Variants in NAV2 observed in about 807,000 individuals in gnomAD.
NAV2 encodes the protein helicase, APC down-regulated 1.
In NAV2, 54 loss-of-function variants were observed where a neutral mutation model predicts 223.2. The ratio of observed to expected loss-of-function variants is 0.24; its 90% CI spans 0.19 to 0.30. The LOEUF is 0.30. Ranked by LOEUF, NAV2 falls within the 10% of genes least tolerant of loss-of-function variation. NAV2 has a pLI of 1.00. For synonymous variants in NAV2, 1,279 were observed against 1,239.3 expected (o/e 1.03, Z -0.67); for missense variants, 2,806 against 3,147.5 (o/e 0.89, Z 2.60).
At position 19,360,084 on chromosome 11, in the gene NAV2, C is replaced by T. The variant is rs143393058; in HGVS notation, c.75+9057C>T. The stretch of plus-strand genomic sequence containing the variant: ...TGTTGTGCCTAGAAACTGACAAAGA[C>T]TCTTTCCTTGACTAAACTTCATTTA... On this transcript the variant is annotated intron_variant, in intron 1 of 37. Transcript: ENST00000360655. 1.2e-3 allele frequency among the ~76,000 whole-genome samples: 185 copies of T among 152,334 alleles called. 1 individual carries two copies. The East Asian group carries it at 0.031, about 26-fold the overall frequency.
At chr11:19,387,207 A>T (rs1849077478) in intron 1 of NAV2, among the ~76,000 whole-genome samples, 1 of 152,150 alleles carries the variant, frequency 6.6e-6, no homozygotes, top group Non-Finnish European at 1.5e-5. Context: ...CCTGCTGGGT[A>T]GGTTTTAAGC....
intron 1 of NAV2, among the ~76,000 whole-genome samples, chr11:19,581,966 T>A (rs1286699566): frequency 6.6e-6 from 1 of 152,218 alleles, no homozygotes; most frequent in African/African-American, 2.4e-5. Flanking sequence ...GTTGAACTAG[T>A]TTACAGTCCC....
intron 10 of NAV2, among the ~76,000 whole-genome samples, chr11:19,970,610 C>T (rs1442898198): frequency 1.3e-5 from 2 of 152,116 alleles, no homozygotes; most frequent in Non-Finnish European, 2.9e-5. Flanking sequence ...AATAACAGAG[C>T]TACCTTTATT....
intron 26 of NAV2, among the ~76,000 whole-genome samples, chr11:20,090,128 G>A (rs556563495): frequency 6.6e-6 from 1 of 152,334 alleles, no homozygotes; most frequent in East Asian, 1.9e-4. Context: ...ATCAGGAACA[G>A]ATTAACACCT....
chr11:19,635,122 C>A (rs2047455087), intron 1 of NAV2, among the ~76,000 whole-genome samples: 2 of 151,934 alleles, frequency 1.3e-5, no homozygotes, highest in Non-Finnish European at 2.9e-5. Flanking sequence ...CTAGCCATGT[C>A]CCCAGGAGGA....
intron 1 of NAV2, among the ~76,000 whole-genome samples, chr11:19,430,968 C>T (rs189164590): frequency 1.1e-3 from 166 of 152,324 alleles, no homozygotes; most frequent in African/African-American, 3.7e-3. Flanking sequence ...TATCTTTAGC[C>T]TGAGGCTTTA....
Position 19,676,873 on chromosome 11 carries a change from T to G in NAV2, c.76-155611T>G, listed in dbSNP as rs144398892. On this transcript the variant is annotated intron_variant, in intron 1 of 37. Coordinates refer to the NAV2 transcript ENST00000360655. ...CTTTTTACGGGGATAAAAGTAGCAT[T>G]TGGTTGGGTCTGGAGAGCTTCCTGA... 2.4e-3 allele frequency among the ~76,000 whole-genome samples: 371 copies of G among 152,232 alleles called. 3 individuals are homozygous for G. The highest frequency in any genetic ancestry group is 4.4e-3 in the Non-Finnish European group (299 of 67,998).
intron 1 of NAV2, among the ~76,000 whole-genome samples, chr11:19,538,367 G>T (rs910001811): frequency 1.3e-5 from 2 of 152,064 alleles, no homozygotes; most frequent in African/African-American, 2.4e-5. Context: ...TTGAGACAGG[G>T]TCTTGCTCTT....
chr11:19,629,493 G>A (rs546948381), intron 1 of NAV2, among the ~76,000 whole-genome samples: 28 of 148,818 alleles, frequency 1.9e-4, no homozygotes, highest in Admixed American at 5.4e-4. Context: ...ACACACACAC[G>A]TACAGACACA....
At chr11:19,664,867 C>G (rs1185061829) in intron 1 of NAV2, among the ~76,000 whole-genome samples, 1 of 152,228 alleles carries the variant, frequency 6.6e-6, no homozygotes, top group Middle Eastern at 3.2e-3. Context: ...TTTATATTCA[C>G]TCTCGCATTC....
rs1324421668 is a variant in NAV2 at position 19,717,043 on chromosome 11, A to G, written c.267+3081A>G. On this transcript the variant is annotated intron_variant, in intron 1 of 37. Coordinates refer to ENST00000349880, the MANE Select transcript of NAV2 (RefSeq NM_145117.5). ...CATGATATTGTACAGGGAGAAACAC[A>G]GAGACTGTCTTAGAACTTGCAGGCC... 2.0e-5 allele frequency among the ~76,000 whole-genome samples: 3 copies of G among 152,190 alleles called. No homozygotes were observed. The East Asian group carries it at 5.8e-4, about 29-fold the overall frequency.
At chr11:19,939,461 C>G (rs2046212498) in intron 7 of NAV2, among the ~76,000 whole-genome samples, 200 bp from the exon 8 acceptor site, 1 of 152,194 alleles carries the variant, frequency 6.6e-6, no homozygotes, top group South Asian at 2.1e-4. Flanking sequence ...TTATCTTTTA[C>G]AGTTCAGCGG....
At chr11:19,554,966 A>C (rs980120401) in intron 1 of NAV2, among the ~76,000 whole-genome samples, 1 of 150,428 alleles carries the variant, frequency 6.6e-6, no homozygotes, top group Admixed American at 6.6e-5. Flanking sequence ...AAAGATAAAT[A>C]AATTTTTTAA....
At chr11:19,815,724 C>A (rs1324894712) in intron 1 of NAV2, among the ~76,000 whole-genome samples, 1 of 152,182 alleles carries the variant, frequency 6.6e-6, no homozygotes, top group Non-Finnish European at 1.5e-5. Context: ...CAGATGCTAA[C>A]CTTGTCCAGC....
chr11:20,120,022 G>C lies in NAV2; in HGVS notation c.*1764G>C, dbSNP rs1203480119. On this transcript the variant is annotated 3_prime_UTR_variant, in exon 38 of 38. Coordinates refer to ENST00000349880, the MANE Select transcript of NAV2 (RefSeq NM_145117.5). ...ATTACAAAGTATGGTAAATTTTTGA[G>C]TTGTTTGTTTCTGTTTTGTAAAGAG... The C allele has an allele frequency of 2.6e-5, 4 of 152,172 alleles. No individual in the cohort carries two copies. The highest frequency in any genetic ancestry group is 7.2e-5 in the African/African-American group (3 of 41,450). 9.4% of individuals were successfully genotyped at this position (152,172 alleles called of 1,614,324 possible).
chr11:19,820,627 C>T (rs1354336477), intron 1 of NAV2, among the ~76,000 whole-genome samples: 1 of 152,216 alleles, frequency 6.6e-6, no homozygotes, highest in East Asian at 1.9e-4. Flanking sequence ...GGCTGGTCAG[C>T]TTGAGTCAGA....
At chr11:19,541,541 C>T (rs760996155) in intron 1 of NAV2, among the ~76,000 whole-genome samples, 1 of 152,232 alleles carries the variant, frequency 6.6e-6, no homozygotes. Flanking sequence ...TCTACAGGAG[C>T]AGGCTGAGGC....
chr11:19,677,272 G>C (rs915527639), intron 1 of NAV2, among the ~76,000 whole-genome samples: 1 of 152,262 alleles, frequency 6.6e-6, no homozygotes, highest in Non-Finnish European at 1.5e-5. Context: ...ATTTGGGCAA[G>C]AGCAACTTGA....
intron 1 of NAV2, among the ~76,000 whole-genome samples, chr11:19,530,014 C>T (rs1014664152): frequency 6.6e-6 from 1 of 152,180 alleles, no homozygotes; most frequent in Non-Finnish European, 1.5e-5. Context: ...GTCTGTCTCC[C>T]TTCCCCCAGT....
Sources: gnomAD v4.1 joint callset for allele counts (sites outside exome capture counted in the v4.1 genomes callset) on GRCh38, gnomAD v4.1.1 for gene constraint, MANE v1.5 for transcripts, NCBI Gene and HGNC (gene_info 2026-07-23, HGNC 2026-07-21) for gene names.